The following CDH18 variants were observed in gnomAD, a reference collection of about 807,000 sequenced individuals.
CDH18 encodes cadherin 18.
In CDH18, 31 loss-of-function variants were observed where a neutral mutation model predicts 67.9. The observed-to-expected ratio is 0.46, with a 90% confidence interval of 0.34 to 0.62. The LOEUF is 0.62. Among genes scored for constraint, CDH18 ranks in the 20% least tolerant of loss-of-function variants. The pLI is 0.01. For synonymous variants in CDH18, 362 were observed against 347.2 expected, an observed-to-expected ratio of 1.04 and a Z score of -0.48; for missense variants, 890 against 975.5, an observed-to-expected ratio of 0.91 and a Z score of 1.17.
intron 2 of CDH18, among the ~76,000 whole-genome samples, chr5:19,894,836 C>T (rs966828437): frequency 6.6e-6 from 1 of 152,126 alleles, no homozygotes; most frequent in Non-Finnish European, 1.5e-5. Flanking sequence ...CACTATGTCA[C>T]ACTTGCCTGA....
At chr5:19,523,460 T>C (rs1010008972) in intron 9 of CDH18, among the ~76,000 whole-genome samples, 1 of 152,044 alleles carries the variant, frequency 6.6e-6, no homozygotes, top group African/African-American at 2.4e-5. Context: ...GTATCTGTAA[T>C]ATATAATTTA....
chr5:20,021,090 A>G (rs1047607268), intron 2 of CDH18, among the ~76,000 whole-genome samples: 2 of 151,832 alleles, frequency 1.3e-5, no homozygotes, highest in Admixed American at 1.3e-4. Flanking sequence ...TTTAAGATTT[A>G]ACGACTGCCC....
At chr5:20,068,196 T>C (rs1406998932) in intron 2 of CDH18, among the ~76,000 whole-genome samples, 1 of 152,118 alleles carries the variant, frequency 6.6e-6, no homozygotes, top group East Asian at 1.9e-4. Flanking sequence ...ACGTGGCTCT[T>C]TGAGGCATTG....
chr5:20,126,124 T>G (rs1748797861), intron 2 of CDH18, among the ~76,000 whole-genome samples: 1 of 152,054 alleles, frequency 6.6e-6, no homozygotes, highest in African/African-American at 2.4e-5. Flanking sequence ...GCATACAGAT[T>G]GATGGAACAG....
At chr5:20,262,527 A>T (rs1454636590) in intron 1 of CDH18, among the ~76,000 whole-genome samples, 6 of 152,170 alleles carry the variant, frequency 3.9e-5, no homozygotes, top group Admixed American at 3.9e-4. Context: ...AATTAAATTA[A>T]GGTAGTGGTA....
chr5:19,512,573 C>A (rs2126838042), intron 10 of CDH18, among the ~76,000 whole-genome samples: 1 of 152,124 alleles, frequency 6.6e-6, no homozygotes, highest in Non-Finnish European at 1.5e-5. Context: ...ACTTAATTTT[C>A]TAATTGTTTG....
At position 20,389,463 on chromosome 5, in the gene CDH18, G is replaced by C. The variant is rs185956327; in HGVS notation, c.-579-133958C>G. ...ATGTGTGTCTCTGCACGTGAGATGG[G>C]TTTCCTGAATACAGCACACTGATGG... is the stretch of plus-strand genomic sequence containing the variant. On this transcript the variant is annotated intron_variant, in intron 1 of 14. Coordinates refer to the CDH18 transcript ENST00000507958. Among the ~76,000 whole-genome samples the C allele has an allele frequency of 5.5e-3, 834 of 152,074 alleles. 13 individuals carry two copies. Among genetic ancestry groups the C allele is most frequent in the African/African-American group, 0.019 (790 of 41,472 alleles).
At chr5:20,486,905 T>G (rs1281564628) in intron 1 of CDH18, among the ~76,000 whole-genome samples, 1 of 152,112 alleles carries the variant, frequency 6.6e-6, no homozygotes, top group East Asian at 1.9e-4. Flanking sequence ...TTTTTGTTGC[T>G]GGGATGTCTC....
Position 19,757,270 on chromosome 5 carries a change from G to T in CDH18, c.229-10034C>A, listed in dbSNP as rs192863711. Among the ~76,000 whole-genome samples, 9 of 152,302 alleles carry T rather than the reference G, an allele frequency of 5.9e-5. No individual in the cohort carries two copies. In the East Asian group the frequency reaches 1.4e-3, roughly 23 times the overall value. Reference sequence around the variant, plus strand: ...ATATGCAGAGTAAGTGTCTATTCCAGTGAAGACCAACCTCTGACCTTTCCA... The same window carrying T: ...ATATGCAGAGTAAGTGTCTATTCCATTGAAGACCAACCTCTGACCTTTCCA... On this transcript the variant is annotated intron_variant, in intron 3 of 12. Transcript: ENST00000382275.
At chr5:19,694,566 T>C (rs1236422646) in intron 5 of CDH18, among the ~76,000 whole-genome samples, 2 of 152,138 alleles carry the variant, frequency 1.3e-5, no homozygotes, top group South Asian at 2.1e-4. Context: ...TATTTTTGAG[T>C]TCATGTACAT....
chr5:20,389,223 A>C (rs1247221011), intron 1 of CDH18, among the ~76,000 whole-genome samples: 1 of 152,102 alleles, frequency 6.6e-6, no homozygotes, highest in Non-Finnish European at 1.5e-5. Flanking sequence ...TTGCTTTATG[A>C]ATCTGGGTGC....
rs963093504 is a variant in CDH18 at position 19,655,986 on chromosome 5, CTTTTTTT to C, written c.644-43392_644-43386del. On this transcript the variant is annotated intron_variant, in intron 5 of 12. Transcript: ENST00000382275. ...AGAGATACTTTTAGTCTACTCACTTCTTTTTTTTTTTTTTTTTTTTTTTACTGACAGA... is the reference window on the plus strand; with the variant it reads ...AGAGATACTTTTAGTCTACTCACTTCTTTTTTTTTTTTTTTTACTGACAGA... 1.5e-4 allele frequency among the ~76,000 whole-genome samples: 16 copies of C among 103,678 alleles called. 1 individual carries two copies. The South Asian group carries it at 2.1e-3, about 13-fold the overall frequency. The allele number at this position is 103,678 out of a possible 152,430, so 68.0% of individuals were successfully genotyped here.
intron 1 of CDH18, among the ~76,000 whole-genome samples, chr5:20,437,179 T>C (rs1749233794): frequency 6.6e-6 from 1 of 151,344 alleles, no homozygotes; most frequent in African/African-American, 2.4e-5. Context: ...AAATATTCAT[T>C]GTATGAGGTG....
chr5:20,231,677 T>C (rs1228135086), intron 2 of CDH18, among the ~76,000 whole-genome samples: 1 of 151,878 alleles, frequency 6.6e-6, no homozygotes, highest in Non-Finnish European at 1.5e-5. Context: ...AATATCATCG[T>C]TTTACAAATT....
At chr5:19,870,228 T>C (rs978883896) in intron 2 of CDH18, among the ~76,000 whole-genome samples, 2 of 152,104 alleles carry the variant, frequency 1.3e-5, no homozygotes, top group African/African-American at 4.8e-5. Context: ...GTCAACATCA[T>C]TTTAGTCCCT....
At chr5:20,060,041 G>C (rs1276168094) in intron 2 of CDH18, among the ~76,000 whole-genome samples, 1 of 152,094 alleles carries the variant, frequency 6.6e-6, no homozygotes, top group African/African-American at 2.4e-5. Flanking sequence ...GGATTGATGG[G>C]TGTAGCAAAC....
chr5:20,399,565 C>T (rs1745583895), intron 1 of CDH18, among the ~76,000 whole-genome samples: 1 of 152,140 alleles, frequency 6.6e-6, no homozygotes, highest in Non-Finnish European at 1.5e-5. Flanking sequence ...ACTGAAAAGC[C>T]ACTCCATCTT....
intron 1 of CDH18, among the ~76,000 whole-genome samples, chr5:20,502,674 T>C (rs2471146): frequency 0.48 from 72,477 of 152,014 alleles, 17,489 homozygotes; most frequent in East Asian, 0.56. Context: ...AATATGATCA[T>C]GACATTGATC....
intron 1 of CDH18, among the ~76,000 whole-genome samples, chr5:20,530,716 C>T (rs1197811378): frequency 6.6e-6 from 1 of 152,012 alleles, no homozygotes; most frequent in Non-Finnish European, 1.5e-5. Flanking sequence ...CCCTTCTTTA[C>T]AACTTACACA....
Sources: allele counts gnomAD v4.1 joint callset (sites outside exome capture counted in the v4.1 genomes callset), GRCh38; gene constraint gnomAD v4.1.1; transcripts MANE v1.5; gene names NCBI Gene and HGNC (gene_info 2026-07-23, HGNC 2026-07-21).